The following DUSP22 variants were observed in gnomAD, a reference collection of about 807,000 sequenced individuals.
DUSP22 encodes dual specificity protein phosphatase 22.
In DUSP22, 24 loss-of-function variants were observed where a neutral mutation model predicts 24.5. That is an observed-to-expected ratio of 0.98 (90% confidence interval 0.71 to 1.38). DUSP22 has a LOEUF of 1.38. Among genes scored for constraint, DUSP22 ranks in the 40% most tolerant of loss-of-function variants. The pLI is 0.00. For synonymous variants in DUSP22, 160 were observed against 106.4 expected, an observed-to-expected ratio of 1.50 and a Z score of -3.10; for missense variants, 330 against 269.2, an observed-to-expected ratio of 1.23 and a Z score of -1.58.
At chr6:331,329 A>T (rs1222730000) in intron 3 of DUSP22, among the ~76,000 whole-genome samples, 1 of 152,310 alleles carries the variant, frequency 6.6e-6, no homozygotes, top group Non-Finnish European at 1.5e-5. Flanking sequence ...TAGAGGTAGT[A>T]TGAGGGAGTG....
intron 4 of DUSP22, among the ~76,000 whole-genome samples, chr6:339,905 T>G (rs1241299439): frequency 1.3e-5 from 2 of 152,304 alleles, no homozygotes; most frequent in Admixed American, 1.3e-4. Flanking sequence ...CTTGGACTAC[T>G]GTGGTCCTGC....
intron 3 of DUSP22, among the ~76,000 whole-genome samples, chr6:320,591 T>C (rs1241917077): frequency 6.6e-6 from 1 of 152,298 alleles, no homozygotes; most frequent in Non-Finnish European, 1.5e-5. Flanking sequence ...ATAGATGGCA[T>C]GGGCTCTGCC....
At chr6:299,333 G>A (rs1405344234) in intron 1 of DUSP22, among the ~76,000 whole-genome samples, 1 of 152,302 alleles carries the variant, frequency 6.6e-6, no homozygotes, top group Non-Finnish European at 1.5e-5. Context: ...AAAATTATTT[G>A]ATTTTATTTC....
At chr6:329,996 A>C (rs1387239340) in intron 3 of DUSP22, among the ~76,000 whole-genome samples, 1 of 152,164 alleles carries the variant, frequency 6.6e-6, no homozygotes, top group African/African-American at 2.4e-5. Flanking sequence ...GGTTTCGCTC[A>C]GTTGTTAATT....
At chr6:298,929 G>C (rs1179744474) in intron 1 of DUSP22, among the ~76,000 whole-genome samples, 1 of 152,308 alleles carries the variant, frequency 6.6e-6, no homozygotes, top group Non-Finnish European at 1.5e-5. Flanking sequence ...TAAATGTGGT[G>C]AAGAAAATAA....
intron 3 of DUSP22, among the ~76,000 whole-genome samples, chr6:322,836 G>A (rs949312374): frequency 6.9e-3 from 16 of 2,306 alleles, no homozygotes; most frequent in Admixed American, 0.023. Context: ...TTGGTGGGGC[G>A]GGGGGGGGCC....
chr6:312,432 A>G (rs539698778), intron 3 of DUSP22, among the ~76,000 whole-genome samples: 13 of 152,398 alleles, frequency 8.5e-5, no homozygotes, highest in Admixed American at 8.5e-4. Context: ...TCTAATGTGG[A>G]GACTCTCGGT....
intron 3 of DUSP22, chr6:325,035 C>A: frequency 5.5e-6 from 1 of 182,022 alleles, no homozygotes; most frequent in African/African-American, 2.4e-5. Flanking sequence ...GCTTGAAGAG[C>A]AGTGTGGCCC....
intron 1 of DUSP22, among the ~76,000 whole-genome samples, chr6:302,926 C>T: frequency 6.6e-6 from 1 of 152,408 alleles, no homozygotes; most frequent in East Asian, 1.9e-4. Flanking sequence ...GGTGGAGGAA[C>T]AGGAGCTTGG....
At chr6:308,239 G>A (rs1303552993) in intron 2 of DUSP22, among the ~76,000 whole-genome samples, 5 of 152,274 alleles carry the variant, frequency 3.3e-5, no homozygotes, top group Non-Finnish European at 7.3e-5. Context: ...CTGTGCTCAG[G>A]AGGAGCTAGT....
chr6:315,663 T>G (rs1198903563), intron 3 of DUSP22, among the ~76,000 whole-genome samples: 1 of 152,306 alleles, frequency 6.6e-6, no homozygotes, highest in African/African-American at 2.4e-5. Flanking sequence ...TTCTTTCCTT[T>G]TAATTAGCAA....
chr6:306,709 T>C (rs1757826567), intron 2 of DUSP22, among the ~76,000 whole-genome samples: 1 of 152,312 alleles, frequency 6.6e-6, no homozygotes, highest in Admixed American at 6.5e-5. Context: ...CCAATTGTGC[T>C]GTGAATTCAC....
chr6:293,353 C>G (rs1757182480), intron 1 of DUSP22, among the ~76,000 whole-genome samples: 1 of 152,284 alleles, frequency 6.6e-6, no homozygotes, highest in Admixed American at 6.5e-5. Context: ...ATGTGAACCA[C>G]AGGGTTAAGG....
chr6:318,056 C>G (rs909892749), intron 3 of DUSP22, among the ~76,000 whole-genome samples: 2 of 152,296 alleles, frequency 1.3e-5, no homozygotes, highest in African/African-American at 2.4e-5. Flanking sequence ...TTCCTCACTT[C>G]CTTAGTAAGC....
chr6:319,694 G>A (rs920409757), intron 3 of DUSP22, among the ~76,000 whole-genome samples: 1 of 152,306 alleles, frequency 6.6e-6, no homozygotes, highest in African/African-American at 2.4e-5. Context: ...TGCTAGAAAG[G>A]TCCAAGTCTT....
At chr6:318,639 C>T (rs926458858) in intron 3 of DUSP22, among the ~76,000 whole-genome samples, 6 of 152,284 alleles carry the variant, frequency 3.9e-5, no homozygotes, top group African/African-American at 1.4e-4. Context: ...CCTTTCCTGT[C>T]CAGAACCTGC....
chr6:330,034 G>GT (rs1299643129), intron 3 of DUSP22, among the ~76,000 whole-genome samples: 2 of 152,294 alleles, frequency 1.3e-5, no homozygotes, highest in African/African-American at 4.8e-5. Flanking sequence ...TGAATACAGA[G>GT]TGTGTGTACA....
chr6:293,984 C>G (rs946683646), intron 1 of DUSP22, among the ~76,000 whole-genome samples: 9 of 152,256 alleles, frequency 5.9e-5, no homozygotes, highest in African/African-American at 2.2e-4. Flanking sequence ...GTTTGCCTTC[C>G]CATTGGTGGT....
intron 1 of DUSP22, among the ~76,000 whole-genome samples, chr6:296,867 C>T (rs558734864): frequency 1.2e-3 from 181 of 152,312 alleles, no homozygotes; most frequent in African/African-American, 3.9e-3. Context: ...TGCCAGGGTT[C>T]GTTTAGCTCA....
Sources: allele counts gnomAD v4.1 joint callset (sites outside exome capture counted in the v4.1 genomes callset), GRCh38; gene constraint gnomAD v4.1.1; transcripts MANE v1.5; gene names NCBI Gene and HGNC (gene_info 2026-07-23, HGNC 2026-07-21).